The following DDX60L variants were observed in gnomAD, a reference collection of about 807,000 sequenced individuals.
DDX60L encodes the protein DExD/H-box 60 like, also known as probable ATP-dependent RNA helicase DDX60-like.
Under a neutral mutation model 211.6 loss-of-function variants are expected in DDX60L, and 191 were observed. The ratio of observed to expected loss-of-function variants is 0.90; its 90% CI spans 0.80 to 1.02. The LOEUF (loss-of-function observed/expected upper bound fraction) is 1.02. Ranked by LOEUF, DDX60L falls within the 50% of genes least tolerant of loss-of-function variation. The pLI is 0.00. For synonymous variants in DDX60L, 706 were observed against 694.1 expected (o/e 1.02, Z -0.27); for missense variants, 2,007 against 1,984.1 (o/e 1.01, Z -0.22).
rs17539821 is a variant in DDX60L at position 168,357,249 on chromosome 4, T to G, written c.*898A>C. On this transcript the variant is annotated 3_prime_UTR_variant, in exon 38 of 38. Transcript: ENST00000682922. ...CTTAAACAAAATCTATCATTGCTAT[T>G]GAACAAAACAGTTGAATCAGCATGT... The G allele has an allele frequency of 6.6e-6, 1 of 152,162 alleles. No individual in the cohort carries two copies. The highest frequency in any genetic ancestry group is 1.5e-5 in the Non-Finnish European group (1 of 68,034). The allele number at this position is 152,162 out of a possible 1,614,324, so 9.4% of individuals were successfully genotyped here. A position where few individuals can be genotyped will look rare whatever the true frequency, so the allele number is the denominator to read the frequency against.
intron 12 of DDX60L, among the ~76,000 whole-genome samples, chr4:168,431,540 T>C (rs1226173906): frequency 8.3e-6 from 1 of 120,234 alleles, no homozygotes. Context: ...CATCACACTC[T>C]GGGGACTGTT....
chr4:168,472,730 G>C lies in DDX60L; in HGVS notation c.-31C>G. ...CTGCTTCTTGGGCTACAGGGTAGAA[G>C]AGTAGAGCTGGAATTTATTAAATAT... On this transcript the variant is annotated 5_prime_UTR_variant, in exon 2 of 38. Coordinates refer to ENST00000682922, the MANE Select transcript of DDX60L (RefSeq NM_001012967.3). 6.2e-7 allele frequency: 1 copy of C among 1,609,864 alleles called. No individual in the cohort carries two copies. The highest frequency in any genetic ancestry group is 8.5e-7 in the Non-Finnish European group (1 of 1,178,608).
chr4:168,480,267 G>A (rs1400392014), intron 1 of DDX60L, 110 bp downstream of exon 1: 4 of 152,614 alleles, frequency 2.6e-5, no homozygotes, highest in Non-Finnish European at 5.8e-5. Flanking sequence ...GAAGCCACCA[G>A]GCCACCTCCC....
In DDX60L at chr4:168,358,063, C is replaced by T; in HGVS notation, c.*84G>A. ...TTTGACTCCAAGACAAACATTTTTTCCATTTCATTGTGTAAGCTTAATTAT... is the reference window on the plus strand; with the variant it reads ...TTTGACTCCAAGACAAACATTTTTTTCATTTCATTGTGTAAGCTTAATTAT... On this transcript the variant is annotated 3_prime_UTR_variant, in exon 38 of 38. Transcript: ENST00000682922. 4.8e-6 allele frequency: 6 copies of T among 1,258,490 alleles called. No individual in the cohort carries two copies. Among genetic ancestry groups the T allele is most frequent in the Admixed American group, 4.7e-5 (2 of 42,800 alleles). 78.0% of individuals were successfully genotyped at this position (1,258,490 alleles called of 1,614,324 possible).
Position 168,397,561 on chromosome 4 carries a change from G to A in DDX60L, c.3492-1437C>T, listed in dbSNP as rs529216534. On this transcript the variant is annotated intron_variant, in intron 26 of 37. Transcript: ENST00000682922. ...AGCAGATTTATGAGCTAACAGGAAG[G>A]AAGGCCCTCCAGGTAGATGCAGTGT... Among the ~76,000 whole-genome samples the A allele has an allele frequency of 1.3e-4, 20 of 152,322 alleles. 1 individual carries two copies. The South Asian group carries it at 3.9e-3, about 30-fold the overall frequency.
chr4:168,369,184 T>C (rs930356826), intron 36 of DDX60L, among the ~76,000 whole-genome samples: 1 of 152,118 alleles, frequency 6.6e-6, no homozygotes, highest in Admixed American at 6.5e-5. Flanking sequence ...ACAATTCCCA[T>C]GTGTCATGGG....
At chr4:168,433,208 T>C (rs1341343381) in intron 10 of DDX60L, 93 bp from the exon 11 acceptor site, 12 of 857,990 alleles carry the variant, frequency 1.4e-5, no homozygotes, top group Non-Finnish European at 2.1e-5. Context: ...ATGCATAATA[T>C]TTTACATAAA....
chr4:168,455,171 CT>C (rs1442839585), intron 7 of DDX60L, among the ~76,000 whole-genome samples: 2 of 151,212 alleles, frequency 1.3e-5, no homozygotes, highest in Admixed American at 6.6e-5. Context: ...TTATTTCTTT[CT>C]TTTTCTTTTT....
chr4:168,452,166 G>A (rs933480964), intron 8 of DDX60L, among the ~76,000 whole-genome samples: 1 of 152,214 alleles, frequency 6.6e-6, no homozygotes, highest in Non-Finnish European at 1.5e-5. Context: ...GAATAAACAT[G>A]TGTGGACCAG....
intron 32 of DDX60L, among the ~76,000 whole-genome samples, chr4:168,378,741 C>T (rs1742406011): frequency 6.6e-6 from 1 of 152,008 alleles, no homozygotes; most frequent in African/African-American, 2.4e-5. Context: ...TAACTGGTTT[C>T]CTGACTTGCA....
chr4:168,379,156 A>C (rs1742478699), intron 32 of DDX60L, among the ~76,000 whole-genome samples: 1 of 152,238 alleles, frequency 6.6e-6, no homozygotes, highest in South Asian at 2.1e-4. Context: ...GTAATATATA[A>C]GTAGCCCTCA....
At chr4:168,404,148 T>A in intron 24 of DDX60L, 42 bp from the exon 25 acceptor site, 3 of 1,125,142 alleles carry the variant, frequency 2.7e-6, no homozygotes, top group Non-Finnish European at 3.6e-6. Flanking sequence ...AAAAAAAGAA[T>A]TTGTGGAAAC....
Position 168,396,112 on chromosome 4 carries a change from GT to G in DDX60L, c.3503del (p.Asn1168ThrfsTer25), listed in dbSNP as rs772416332. ...TTTCCAGTTTTTCAGCCTTCTTTGG[GT>G]TTTTTTTAGTGCTACTATTTAAAAA... ...RKTQKRITKK[N>X]PKKAEKLERK... On this transcript the variant is annotated frameshift_variant, in exon 27 of 38. Coordinates refer to ENST00000682922, the MANE Select transcript of DDX60L (RefSeq NM_001012967.3). LOFTEE classifies it high-confidence loss of function. 48 of 1,399,218 alleles carry G rather than the reference GT, an allele frequency of 3.4e-5. No homozygotes were observed. Among genetic ancestry groups the G allele is most frequent in the South Asian group, 5.9e-5 (4 of 68,282 alleles). 86.7% of individuals were successfully genotyped at this position (1,399,218 alleles called of 1,614,324 possible).
chr4:168,358,868 C>T (rs1738624091), intron 37 of DDX60L, among the ~76,000 whole-genome samples: 2 of 152,114 alleles, frequency 1.3e-5, no homozygotes, highest in Non-Finnish European at 2.9e-5. Context: ...TTTGTAAGAC[C>T]ACAGAATTCC....
chr4:168,410,147 C>T (rs1194152743), intron 22 of DDX60L, among the ~76,000 whole-genome samples: 1 of 151,616 alleles, frequency 6.6e-6, no homozygotes, highest in Non-Finnish European at 1.5e-5. Flanking sequence ...GACATGAAAG[C>T]AAAAAATTAT....
In DDX60L at chr4:168,457,937, TA is replaced by T; in HGVS notation, c.677del (p.Leu226Ter). ...QHLEEIRVLV[L>X]ATHFEHLKWN... Reference sequence around the variant, plus strand: ...ATTTCAAATGTTCAAAATGAGTTGCTAATACTAAAACCCTTATTTCTTCCAA... The same window carrying T: ...ATTTCAAATGTTCAAAATGAGTTGCTATACTAAAACCCTTATTTCTTCCAA... On this transcript the variant is annotated frameshift_variant, in exon 6 of 38. Coordinates refer to ENST00000682922, the MANE Select transcript of DDX60L (RefSeq NM_001012967.3). LOFTEE classifies it high-confidence loss of function. 1 of 1,570,662 alleles carries T rather than the reference TA, an allele frequency of 6.4e-7. No individual in the cohort carries two copies. The highest frequency in any genetic ancestry group is 8.6e-7 in the Non-Finnish European group (1 of 1,156,160).
chr4:168,470,986 C>T (rs1284161222), intron 4 of DDX60L: 1 of 160,298 alleles, frequency 6.2e-6, no homozygotes, highest in Non-Finnish European at 1.4e-5. Context: ...GTTTGGGTTA[C>T]ACGTGCATGC....
Position 168,395,972 on chromosome 4 carries a change from C to A in DDX60L, c.3644G>T (p.Arg1215Met). 6.2e-7 allele frequency: 1 copy of A among 1,600,870 alleles called. No homozygotes were observed. Among genetic ancestry groups the A allele is most frequent in the Non-Finnish European group, 8.5e-7 (1 of 1,174,190 alleles). The change falls in exon 27 of 38, where the codon AGG becomes ATG. Residue 1215 changes from arginine (R) to methionine (M), a missense_variant. By Grantham distance (91) the Arg-to-Met change is moderately conservative. Transcript: ENST00000682922. Reference protein sequence around the residue: ...DVKALHTEITRNKDSTLERVL... With the variant: ...DVKALHTEITMNKDSTLERVL... ...TCTCTGACGTACTGAGTCTTTATTC[C>A]TGGTAATTTCAGTGTGTAGGGCTTT...
intron 8 of DDX60L, among the ~76,000 whole-genome samples, chr4:168,451,861 T>C: frequency 6.6e-6 from 1 of 152,178 alleles, no homozygotes; most frequent in East Asian, 1.9e-4. Context: ...CTATGTCCTC[T>C]CTTGAAAACC....
Sources: gnomAD v4.1 joint callset for allele counts (sites outside exome capture counted in the v4.1 genomes callset) on GRCh38, gnomAD v4.1.1 for gene constraint, MANE v1.5 for transcripts, NCBI Gene and HGNC (gene_info 2026-07-23, HGNC 2026-07-21) for gene names.